The following GRAMD1B variants were observed in gnomAD, a reference collection of about 807,000 sequenced individuals.
GRAMD1B encodes the protein protein Aster-B.
A neutral mutation model predicts 99.7 loss-of-function variants in GRAMD1B; 37 were observed. That is an observed-to-expected ratio of 0.37 (90% CI 0.29 to 0.49). The LOEUF is 0.49. Ranked by LOEUF, GRAMD1B falls within the 20% of genes least tolerant of loss-of-function variation. The pLI, the probability that GRAMD1B is intolerant of heterozygous loss-of-function variation, is 0.98. For synonymous variants in GRAMD1B, 427 were observed against 387.6 expected, an observed-to-expected ratio of 1.10 and a Z score of -1.19; for missense variants, 888 against 1,009.2, an observed-to-expected ratio of 0.88 and a Z score of 1.63.
chr11:123,518,155 G>A (rs1377667188), intron 2 of GRAMD1B, among the ~76,000 whole-genome samples: 4 of 152,318 alleles, frequency 2.6e-5, no homozygotes, highest in Admixed American at 6.5e-5. Flanking sequence ...CTTTCTGACA[G>A]CAGGGCTCTT....
Position 123,526,192 on chromosome 11 carries a change from G to A in GRAMD1B, c.452+45299G>A, listed in dbSNP as rs377481790. 8 of 1,603,408 alleles carry A rather than the reference G, an allele frequency of 5.0e-6. No homozygotes were observed. In the Admixed American group the frequency reaches 5.0e-5, roughly 10 times the overall value. On this transcript the variant is annotated intron_variant, in intron 2 of 19. Transcript: ENST00000635736. ...TCCTGGTAAGTAGAGGAGGGATAGG[G>A]CACCTTCCTCTTCTGCCTTTCTTCA...
At chr11:123,548,792 A>C (rs1023271065) in intron 2 of GRAMD1B, among the ~76,000 whole-genome samples, 1 of 152,138 alleles carries the variant, frequency 6.6e-6, no homozygotes, top group Admixed American at 6.5e-5. Context: ...TTTTTTAAAT[A>C]GAATCTGGGT....
At chr11:123,599,080 G>A (rs1345725327) in intron 7 of GRAMD1B, 4 of 950,920 alleles carry the variant, frequency 4.2e-6, no homozygotes, top group African/African-American at 1.6e-5. Flanking sequence ...ACCGAGTTTT[G>A]TGCCTCTTCA....
In GRAMD1B at chr11:123,520,793, A is replaced by G. The variant is rs1340814462; in HGVS notation, c.452+39900A>G. On this transcript the variant is annotated intron_variant, in intron 2 of 19. Transcript: ENST00000635736. ...GACCCTGTCAAAAAAAAAAAAAAAA[A>G]GAAAGAAAGAAAAAGGAAAATAAAT... 1.7e-4 allele frequency among the ~76,000 whole-genome samples: 24 copies of G among 145,320 alleles called. No individual in the cohort carries two copies. In the East Asian group the frequency reaches 4.6e-3, roughly 28 times the overall value.
At chr11:123,457,370 C>T (rs1273735803) in intron 1 of GRAMD1B, among the ~76,000 whole-genome samples, 1 of 152,182 alleles carries the variant, frequency 6.6e-6, no homozygotes, top group Non-Finnish European at 1.5e-5. Context: ...TCCCCACTGT[C>T]CAGCCAGCGT....
chr11:123,503,208 G>A (rs572727298), intron 2 of GRAMD1B, among the ~76,000 whole-genome samples: 5 of 152,210 alleles, frequency 3.3e-5, no homozygotes, highest in East Asian at 1.9e-4. Context: ...AGGGCAGGGC[G>A]TGGCAGCCTT....
At chr11:123,590,395 C>T (rs778716477) in intron 4 of GRAMD1B, among the ~76,000 whole-genome samples, 2 of 152,224 alleles carry the variant, frequency 1.3e-5, no homozygotes, top group Non-Finnish European at 2.9e-5. Context: ...ATCCTAACAG[C>T]AGTGCCCTGC....
intron 7 of GRAMD1B, chr11:123,598,771 C>T (rs989602156): frequency 6.4e-6 from 6 of 937,570 alleles, no homozygotes; most frequent in African/African-American, 1.6e-5. Flanking sequence ...TTCGGCCATC[C>T]AGGAAAGATC....
chr11:123,553,496 C>A (rs755871069), intron 2 of GRAMD1B, among the ~76,000 whole-genome samples: 5 of 152,170 alleles, frequency 3.3e-5, no homozygotes, highest in African/African-American at 7.2e-5. Context: ...ATGTTGGTTG[C>A]TAAAGGGTGA....
chr11:123,454,181 T>C lies in GRAMD1B; in HGVS notation c.374+23015T>C, dbSNP rs571527273. On this transcript the variant is annotated intron_variant, in intron 1 of 19. Transcript: ENST00000635736. ...TTACACACATTGGTCATCATGATAA[T>C]ACCTACCTTGAAGACTGGTTTGCAG... Among the ~76,000 whole-genome samples the C allele has an allele frequency of 2.0e-5, 3 of 152,354 alleles. No homozygotes were observed. The South Asian group carries it at 6.2e-4, about 32-fold the overall frequency.
intron 2 of GRAMD1B, among the ~76,000 whole-genome samples, chr11:123,539,670 C>T (rs892579455): frequency 7.9e-5 from 12 of 152,246 alleles, no homozygotes; most frequent in Admixed American, 6.5e-4. Context: ...CAGTTGACAC[C>T]CTGAACGGCA....
At position 123,434,282 on chromosome 11, in the gene GRAMD1B, T is replaced by C. The variant is rs141516017; in HGVS notation, c.374+3116T>C. On this transcript the variant is annotated intron_variant, in intron 1 of 19. Coordinates refer to ENST00000635736, the MANE Select transcript of GRAMD1B (RefSeq NM_001387025.1). Reference sequence around the variant, plus strand: ...ACCACCAACAAAAAACAAGAACATATGTATCTGAAAAGGCAGACTCTGGAT... The same window carrying C: ...ACCACCAACAAAAAACAAGAACATACGTATCTGAAAAGGCAGACTCTGGAT... Among the ~76,000 whole-genome samples the C allele has an allele frequency of 5.5e-5, 8 of 146,054 alleles. No individual in the cohort carries two copies. In the East Asian group the frequency reaches 1.2e-3, roughly 22 times the overall value.
Position 123,624,834 on chromosome 11 carries a change from G to A in GRAMD1B, c.*2239G>A, listed in dbSNP as rs987957412. 2.0e-5 allele frequency: 3 copies of A among 152,208 alleles called. No homozygotes were observed. The highest frequency in any genetic ancestry group is 7.2e-5 in the African/African-American group (3 of 41,446). The allele number at this position is 152,208 out of a possible 1,614,324, so 9.4% of individuals were successfully genotyped here. ...AAAAGGGTTCTTTGTTGGGAGTCAAGTGACAGAGCAGACCTGGCCGCAGGG... is the reference window on the plus strand; with the variant it reads ...AAAAGGGTTCTTTGTTGGGAGTCAAATGACAGAGCAGACCTGGCCGCAGGG... On this transcript the variant is annotated 3_prime_UTR_variant, in exon 20 of 20. Transcript: ENST00000635736.
At chr11:123,502,869 C>T (rs1220120676) in intron 2 of GRAMD1B, among the ~76,000 whole-genome samples, 3 of 151,368 alleles carry the variant, frequency 2.0e-5, no homozygotes, top group African/African-American at 7.3e-5. Context: ...CTATCTTAAA[C>T]ATACTCAGAA....
chr11:123,615,593 G>A (rs1954262147), intron 17 of GRAMD1B, among the ~76,000 whole-genome samples: 1 of 152,212 alleles, frequency 6.6e-6, no homozygotes, highest in South Asian at 2.1e-4. Flanking sequence ...GCTGAGGTAG[G>A]GAAGGAAGAT....
intron 2 of GRAMD1B, among the ~76,000 whole-genome samples, chr11:123,574,164 A>G (rs570114237): frequency 3.3e-5 from 5 of 152,018 alleles, no homozygotes; most frequent in Non-Finnish European, 7.4e-5. Context: ...AGTGCGTCGT[A>G]TGGGAGTTTG....
At chr11:123,406,874 C>T (rs1001406096) in intron 1 of GRAMD1B, among the ~76,000 whole-genome samples, 4 of 152,264 alleles carry the variant, frequency 2.6e-5, no homozygotes, top group Admixed American at 2.0e-4. Context: ...TTCATTCATT[C>T]GTTCATGCAC....
At chr11:123,490,160 ATGGG>A (rs1318992867) in intron 2 of GRAMD1B, among the ~76,000 whole-genome samples, 1 of 152,226 alleles carries the variant, frequency 6.6e-6, no homozygotes, top group Non-Finnish European at 1.5e-5. Flanking sequence ...TGGAATTTGG[ATGGG>A]TGTCTTAAAG....
chr11:123,447,781 G>A (rs1949707130), intron 1 of GRAMD1B, among the ~76,000 whole-genome samples: 2 of 152,336 alleles, frequency 1.3e-5, no homozygotes, highest in Non-Finnish European at 1.5e-5. Context: ...AGGCCTCCAA[G>A]TCTGCTTCTC....
Sources: gnomAD v4.1 joint callset for allele counts (sites outside exome capture counted in the v4.1 genomes callset) on GRCh38, gnomAD v4.1.1 for gene constraint, MANE v1.5 for transcripts, NCBI Gene and HGNC (gene_info 2026-07-23, HGNC 2026-07-21) for gene names.